The following S100A11 variants were observed in gnomAD, a reference collection of about 807,000 sequenced individuals.
The protein encoded by S100A11 is S100 calcium binding protein A11, also known as protein S100-A11.
Under a neutral mutation model 7.4 loss-of-function variants are expected in S100A11, and 5 were observed. The ratio of observed to expected loss-of-function variants is 0.68; its 90% CI spans 0.35 to 1.42. The LOEUF (loss-of-function observed/expected upper bound fraction) is 1.42, where lower values mean the gene tolerates loss of function less well. Among genes scored for constraint, S100A11 ranks in the 40% most tolerant of loss-of-function variants. The pLI is 0.04. For synonymous variants in S100A11, 47 were observed against 46.6 expected (o/e 1.01, Z -0.04); for missense variants, 96 against 125.0 (o/e 0.77, Z 1.11).
At chr1:152,036,714 G>A (rs1656841635) in intron 1 of S100A11, among the ~76,000 whole-genome samples, 199 bp downstream of exon 1, 1 of 152,000 alleles carries the variant, frequency 6.6e-6, no homozygotes, top group Non-Finnish European at 1.5e-5. Context: ...TACCCTAGGC[G>A]GCCACCCCAA....
rs140242997 is a variant in S100A11 at position 152,033,699 on chromosome 1, G to A, written c.105C>T (p.Ser35=). The A allele has an allele frequency of 1.2e-6, 2 of 1,613,412 alleles. No individual in the cohort carries two copies. The highest frequency in any genetic ancestry group is 2.2e-5 in the East Asian group (1 of 44,884). ...AGKDGYNYTL[S]KTEFLSFMNT... ...TCATGAAGCTTAGGAACTCTGTCTT[G>A]GAGAGAGTGTAGTTATAACCATCCT... Residue 35 remains serine (S), a synonymous_variant, in exon 2 of 3, where the codon TCC becomes TCT. Coordinates refer to ENST00000271638, the MANE Select transcript of S100A11 (RefSeq NM_005620.2). The surrounding 1 kb of genome is among the most constrained non-coding windows in gnomAD (Gnocchi z 4.0).
chr1:152,035,351 TAC>T (rs1455872527), intron 1 of S100A11, among the ~76,000 whole-genome samples: 1 of 152,214 alleles, frequency 6.6e-6, no homozygotes, highest in African/African-American at 2.4e-5. Context: ...TCTCTGGAAC[TAC>T]AGATTCTCCC....
chr1:152,033,548 T>C lies in S100A11; in HGVS notation c.156+100A>G. Reference sequence around the variant, plus strand: ...AGTGAGTTAAAATGAAGCAAGAGTGTGGGGTGTCAGTTGCTGCTCCTTCAT... The same window carrying C: ...AGTGAGTTAAAATGAAGCAAGAGTGCGGGGTGTCAGTTGCTGCTCCTTCAT... On this transcript the variant is annotated intron_variant, in intron 2 of 2. Coordinates refer to ENST00000271638, the MANE Select transcript of S100A11 (RefSeq NM_005620.2). The surrounding 1 kb of genome is among the most constrained non-coding windows in gnomAD (Gnocchi z 4.0). 1 of 1,070,906 alleles carries C rather than the reference T, an allele frequency of 9.3e-7. No homozygotes were observed. Among genetic ancestry groups the C allele is most frequent in the Non-Finnish European group, 1.4e-6 (1 of 705,912 alleles). The allele number at this position is 1,070,906 out of a possible 1,614,324, so 66.3% of individuals were successfully genotyped here.
Position 152,036,966 on chromosome 1 carries a change from G to T in S100A11, c.-51C>A. The T allele has an allele frequency of 6.2e-7, 1 of 1,611,446 alleles. No homozygotes were observed. Among genetic ancestry groups the T allele is most frequent in the Non-Finnish European group, 8.5e-7 (1 of 1,179,040 alleles). Reference sequence around the variant, plus strand: ...GCTGTGGCTGGGAGCGGCGCTGAGAGCTCTGTGCGCGCGGCGTGCGGGTCT... The same window carrying T: ...GCTGTGGCTGGGAGCGGCGCTGAGATCTCTGTGCGCGCGGCGTGCGGGTCT... On this transcript the variant is annotated 5_prime_UTR_variant, in exon 1 of 3. Transcript: ENST00000271638.
chr1:152,032,557 T>G lies in S100A11; in HGVS notation c.*105A>C, dbSNP rs1387544724. On this transcript the variant is annotated 3_prime_UTR_variant, in exon 3 of 3. Transcript: ENST00000271638. ...TTTATTACTATTGGCAGGTGGGGCC[T>G]GCATGAGGTGGTTAGTGTGCTCAGG... 5.0e-5 allele frequency: 48 copies of G among 952,514 alleles called. No individual in the cohort carries two copies. The highest frequency in any genetic ancestry group is 7.2e-5 in the Non-Finnish European group (46 of 640,428). The allele number at this position is 952,514 out of a possible 1,614,324, so 59.0% of individuals were successfully genotyped here. A position where few individuals can be genotyped will look rare whatever the true frequency, so the allele number is the denominator to read the frequency against.
intron 1 of S100A11, among the ~76,000 whole-genome samples, chr1:152,034,508 A>T (rs1480925806): frequency 6.6e-6 from 1 of 152,252 alleles, no homozygotes; most frequent in East Asian, 1.9e-4. Context: ...CCTGGTGGGA[A>T]ATAGTGACAG....
Position 152,033,068 on chromosome 1 carries a change from C to A in S100A11, c.157-245G>T, listed in dbSNP as rs899229534. Reference sequence around the variant, plus strand: ...TCTTTCTATGATATTAGGGGCTATTCAGTTTTGTAAAGCCAGTGGAACACT... The same window carrying A: ...TCTTTCTATGATATTAGGGGCTATTAAGTTTTGTAAAGCCAGTGGAACACT... On this transcript the variant is annotated intron_variant, in intron 2 of 2. Coordinates refer to ENST00000271638, the MANE Select transcript of S100A11 (RefSeq NM_005620.2). This position sits in a 1 kb window ranked among gnomAD's most constrained non-coding sequence, Gnocchi z 4.0. Among the ~76,000 whole-genome samples the A allele has an allele frequency of 6.6e-6, 1 of 152,192 alleles. No homozygotes were observed. Among genetic ancestry groups the A allele is most frequent in the African/African-American group, 2.4e-5 (1 of 41,436 alleles).
At position 152,033,582 on chromosome 1, in the gene S100A11, A is replaced by G; in HGVS notation, c.156+66T>C. ...AGTTGCTGCTCCTTCATTCCTGGCC[A>G]TTCTGCCAGGGTCTTGTTTCATGTT... On this transcript the variant is annotated intron_variant, in intron 2 of 2. Coordinates refer to ENST00000271638, the MANE Select transcript of S100A11 (RefSeq NM_005620.2). The surrounding 1 kb of genome is among the most constrained non-coding windows in gnomAD (Gnocchi z 4.0). 1 of 1,497,498 alleles carries G rather than the reference A, an allele frequency of 6.7e-7. No homozygotes were observed. Among genetic ancestry groups the G allele is most frequent in the Non-Finnish European group, 9.3e-7 (1 of 1,079,970 alleles). 92.8% of individuals were successfully genotyped at this position (1,497,498 alleles called of 1,614,324 possible). A position where few individuals can be genotyped will look rare whatever the true frequency, so the allele number is the denominator to read the frequency against.
intron 1 of S100A11, among the ~76,000 whole-genome samples, chr1:152,036,371 TGCGGGCGGCGAC>T (rs1330965419): frequency 6.6e-6 from 1 of 152,312 alleles, no homozygotes; most frequent in African/African-American, 2.4e-5. Flanking sequence ...GCCGCGGCGC[TGCGGGCGGCGAC>T]GGGCTAAAGT....
intron 1 of S100A11, among the ~76,000 whole-genome samples, chr1:152,034,747 C>G (rs1656802321): frequency 6.6e-6 from 1 of 152,370 alleles, no homozygotes; most frequent in Admixed American, 6.5e-5. Context: ...GCCGCAATTA[C>G]AGACTTTCTG....
rs953009498 is a variant in S100A11, at chr1:152,033,279, A to G, written c.156+369T>C. Among the ~76,000 whole-genome samples, 3 of 152,222 alleles carry G rather than the reference A, an allele frequency of 2.0e-5. No homozygotes were observed. Among genetic ancestry groups the G allele is most frequent in the African/African-American group, 7.2e-5 (3 of 41,462 alleles). ...TTTACATTTACATTTACATTAACTA[A>G]TTTAGAAAGTCAGTCTGTTAGTCAC... is the stretch of plus-strand genomic sequence containing the variant. On this transcript the variant is annotated intron_variant, in intron 2 of 2. Transcript: ENST00000271638. The surrounding 1 kb of genome is among the most constrained non-coding windows in gnomAD (Gnocchi z 4.0).
intron 1 of S100A11, among the ~76,000 whole-genome samples, chr1:152,036,497 A>G (rs1656831733): frequency 6.6e-6 from 1 of 152,206 alleles, no homozygotes; most frequent in African/African-American, 2.4e-5. Flanking sequence ...TCTGGTGTAC[A>G]GAAATAACTA....
At position 152,033,515 on chromosome 1, in the gene S100A11, T is replaced by C; in HGVS notation, c.156+133A>G. ...CTCTCTTCCTAAATGGAAAAACTCC[T>C]GGCTTAGAGTGAGTTAAAATGAAGC... On this transcript the variant is annotated intron_variant, in intron 2 of 2. Transcript: ENST00000271638. The surrounding 1 kb of genome is among the most constrained non-coding windows in gnomAD (Gnocchi z 4.0). The C allele has an allele frequency of 1.3e-6, 1 of 776,354 alleles. No individual in the cohort carries two copies. The highest frequency in any genetic ancestry group is 2.2e-6 in the Non-Finnish European group (1 of 463,108). The allele number at this position is 776,354 out of a possible 1,614,324, so 48.1% of individuals were successfully genotyped here.
Position 152,033,571 on chromosome 1 carries a change from C to A in S100A11, c.156+77G>T. The A allele has an allele frequency of 7.1e-7, 1 of 1,408,066 alleles. No homozygotes were observed. The highest frequency in any genetic ancestry group is 1.7e-5 in the Admixed American group (1 of 57,480). The allele number at this position is 1,408,066 out of a possible 1,614,324, so 87.2% of individuals were successfully genotyped here. ...TGTGGGGTGTCAGTTGCTGCTCCTT[C>A]ATTCCTGGCCATTCTGCCAGGGTCT... On this transcript the variant is annotated intron_variant, in intron 2 of 2. Transcript: ENST00000271638. This position sits in a 1 kb window ranked among gnomAD's most constrained non-coding sequence, Gnocchi z 4.0.
In S100A11 at chr1:152,033,744, G is replaced by C. The variant is rs1489049977; in HGVS notation, c.60C>G (p.Val20=). ...TERCIESLIA[V]FQKYAGKDGY... is the part of the protein sequence containing the mutation. ...CATCCTTTCCAGCATACTTCTGGAA[G>C]ACAGCAATCAGGGACTCGATGCACC... Residue 20 remains valine, a synonymous_variant, in exon 2 of 3, where the codon GTC becomes GTG. Transcript: ENST00000271638. The surrounding 1 kb of genome is among the most constrained non-coding windows in gnomAD (Gnocchi z 4.0). The C allele has an allele frequency of 1.2e-6, 2 of 1,613,258 alleles. No individual in the cohort carries two copies. Among genetic ancestry groups the C allele is most frequent in the African/African-American group, 2.7e-5 (2 of 74,890 alleles).
Position 152,033,715 on chromosome 1 carries a change from T to C in S100A11, c.89A>G (p.Tyr30Cys), listed in dbSNP as rs1159116275. The C allele has an allele frequency of 3.1e-6, 5 of 1,613,550 alleles. 1 individual carries two copies. In the Admixed American group the frequency reaches 8.3e-5, roughly 27 times the overall value. ...VFQKYAGKDG[Y>C]NYTLSKTEFL... ...CTCTGTCTTGGAGAGAGTGTAGTTATAACCATCCTTTCCAGCATACTTCTG... is the reference window on the plus strand; with the variant it reads ...CTCTGTCTTGGAGAGAGTGTAGTTACAACCATCCTTTCCAGCATACTTCTG... Residue 30 changes from tyrosine to cysteine, a missense_variant, in exon 2 of 3, where the codon TAT becomes TGT. Coordinates refer to ENST00000271638, the MANE Select transcript of S100A11 (RefSeq NM_005620.2). This position sits in a 1 kb window ranked among gnomAD's most constrained non-coding sequence, Gnocchi z 4.0.
In S100A11 at chr1:152,033,723, C is replaced by T; in HGVS notation, c.81G>A (p.Lys27=). The part of the protein sequence containing the change: ...LIAVFQKYAG[K]DGYNYTLSKT... The stretch of plus-strand genomic sequence containing the variant: ...TGGAGAGAGTGTAGTTATAACCATC[C>T]TTTCCAGCATACTTCTGGAAGACAG... Residue 27 remains lysine, a synonymous_variant, in exon 2 of 3, where the codon AAG becomes AAA. Transcript: ENST00000271638. This position sits in a 1 kb window ranked among gnomAD's most constrained non-coding sequence, Gnocchi z 4.0. 6.2e-7 allele frequency: 1 copy of T among 1,613,246 alleles called. No individual in the cohort carries two copies. Among genetic ancestry groups the T allele is most frequent in the Non-Finnish European group, 8.5e-7 (1 of 1,179,220 alleles).
chr1:152,036,978 C>T lies in S100A11; in HGVS notation c.-63G>A, dbSNP rs1302990929. On this transcript the variant is annotated 5_prime_UTR_variant, in exon 1 of 3. Transcript: ENST00000271638. ...AGCGGCGCTGAGAGCTCTGTGCGCG[C>T]GGCGTGCGGGTCTGGAGCCTCTCCT... 8 of 1,610,756 alleles carry T rather than the reference C, an allele frequency of 5.0e-6. No homozygotes were observed. In the South Asian group the frequency reaches 6.6e-5, roughly 13 times the overall value.
chr1:152,033,885 A>G lies in S100A11; in HGVS notation c.4-85T>C. On this transcript the variant is annotated intron_variant, in intron 1 of 2. Transcript: ENST00000271638. The surrounding 1 kb of genome is among the most constrained non-coding windows in gnomAD (Gnocchi z 4.0). ...AGAAAACTCCAGGGACTCTTATTTC[A>G]GGTCAAAGCAGTTTCCTAAAAGACT... 3 of 1,209,210 alleles carry G rather than the reference A, an allele frequency of 2.5e-6. No homozygotes were observed. The highest frequency in any genetic ancestry group is 2.4e-6 in the Non-Finnish European group (2 of 829,570). The allele number at this position is 1,209,210 out of a possible 1,614,324, so 74.9% of individuals were successfully genotyped here.
Sources: gnomAD v4.1 joint callset for allele counts (sites outside exome capture counted in the v4.1 genomes callset) on GRCh38, gnomAD v4.1.1 for gene constraint, Gnocchi (gnomAD v3.1) non-coding constraint, MANE v1.5 for transcripts, NCBI Gene and HGNC (gene_info 2026-07-23, HGNC 2026-07-21) for gene names.